PSD3: variants seen among roughly 807,000 people sequenced by gnomAD.
The protein encoded by PSD3 is PH and SEC7 domain-containing protein 3.
PSD3 carries 49 observed loss-of-function variants against 105.5 expected under a neutral mutation model. The ratio of observed to expected loss-of-function variants is 0.46; its 90% CI spans 0.37 to 0.59. PSD3 has a LOEUF of 0.59. PSD3 is among the 20% of genes least tolerant of loss of function. PSD3 has a pLI of 0.00. For synonymous variants in PSD3, 557 were observed against 457.8 expected (o/e 1.22, Z -2.77); for missense variants, 1,561 against 1,263.8 (o/e 1.24, Z -3.57).
intron 1 of PSD3, among the ~76,000 whole-genome samples, chr8:18,949,219 C>G (rs1251929705): frequency 2.8e-4 from 2 of 7,182 alleles, no homozygotes; most frequent in Non-Finnish European, 5.0e-4. Flanking sequence ...GAGACTCTGT[C>G]TCAAAAAAAA....
intron 9 of PSD3, among the ~76,000 whole-genome samples, chr8:18,727,326 CTG>C (rs1438265107): frequency 2.7e-5 from 3 of 109,576 alleles, no homozygotes; most frequent in South Asian, 3.3e-4. Context: ...AACCGCAAGA[CTG>C]TGTCTCAAAA....
chr8:18,857,258 C>T (rs562536964), intron 4 of PSD3, among the ~76,000 whole-genome samples: 1 of 152,324 alleles, frequency 6.6e-6, no homozygotes, highest in Admixed American at 6.5e-5. Flanking sequence ...CAGTAAACGC[C>T]TCTCAAAAGC....
At position 18,575,941 on chromosome 8, in the gene PSD3, A is replaced by G. The variant is rs537847212; in HGVS notation, c.2482-656T>C. On this transcript the variant is annotated intron_variant, in intron 12 of 15. Transcript: ENST00000327040. ...CTACCAACTGTTAGATATTTTCTAG[A>G]GTTTAAGGCCTCCCTTCCTCCTTCC... Among the ~76,000 whole-genome samples the G allele has an allele frequency of 5.3e-5, 8 of 152,302 alleles. No homozygotes were observed. In the South Asian group the frequency reaches 1.7e-3, roughly 32 times the overall value.
At chr8:18,873,221 A>C (rs1034871821) in intron 2 of PSD3, among the ~76,000 whole-genome samples, 6 of 152,126 alleles carry the variant, frequency 3.9e-5, no homozygotes, top group Non-Finnish European at 8.8e-5. Context: ...AAACTCAGTC[A>C]ATATGTTTTT....
chr8:18,825,198 G>A (rs541275788), intron 4 of PSD3, among the ~76,000 whole-genome samples: 4 of 152,136 alleles, frequency 2.6e-5, no homozygotes, highest in African/African-American at 9.7e-5. Context: ...CCTAAAGTTT[G>A]AGAACCCAAA....
intron 1 of PSD3, among the ~76,000 whole-genome samples, chr8:19,059,267 A>C (rs1410166235): frequency 6.6e-6 from 1 of 152,214 alleles, no homozygotes; most frequent in East Asian, 1.9e-4. Flanking sequence ...CCAGCAGAGG[A>C]GGGACCACAC....
Position 18,738,987 on chromosome 8 carries a change from T to A in PSD3, c.2172+26462A>T, listed in dbSNP as rs117527170. Among the ~76,000 whole-genome samples, 87 of 152,276 alleles carry A rather than the reference T, an allele frequency of 5.7e-4. No individual in the cohort carries two copies. The East Asian group carries it at 0.016, about 28-fold the overall frequency. ...ATTTCTTTTCCTTTTAAGAAGAACC[T>A]TCGGCTCTTAGGTATCACAGATTGT... On this transcript the variant is annotated intron_variant, in intron 9 of 15. Transcript: ENST00000327040.
At chr8:18,821,419 G>T (rs1812690411) in intron 4 of PSD3, among the ~76,000 whole-genome samples, 2 of 151,782 alleles carry the variant, frequency 1.3e-5, no homozygotes, top group African/African-American at 4.8e-5. Context: ...CCAAAAAGCT[G>T]CACCTTGAGA....
chr8:18,737,308 T>C (rs1478234102), intron 9 of PSD3, among the ~76,000 whole-genome samples: 1 of 152,142 alleles, frequency 6.6e-6, no homozygotes, highest in African/African-American at 2.4e-5. Flanking sequence ...CCAGGTACTA[T>C]GCTGTGCTAT....
chr8:18,669,662 T>C (rs764443748), intron 9 of PSD3, among the ~76,000 whole-genome samples: 1 of 152,236 alleles, frequency 6.6e-6, no homozygotes, highest in Non-Finnish European at 1.5e-5. Flanking sequence ...CCGGATGGCA[T>C]GAGATTTAAA....
At chr8:18,958,424 T>C (rs1823712699) in intron 1 of PSD3, among the ~76,000 whole-genome samples, 1 of 152,234 alleles carries the variant, frequency 6.6e-6, no homozygotes. Flanking sequence ...TTGTTTACTT[T>C]CTTTTGGGGG....
At chr8:18,839,605 C>A (rs753379956) in intron 4 of PSD3, among the ~76,000 whole-genome samples, 34 of 152,132 alleles carry the variant, frequency 2.2e-4, no homozygotes, top group Non-Finnish European at 4.3e-4. Flanking sequence ...TAAGCAGGAA[C>A]CAGGTTTACT....
chr8:19,060,128 T>G (rs1013019872), intron 1 of PSD3, among the ~76,000 whole-genome samples: 1 of 152,182 alleles, frequency 6.6e-6, no homozygotes, highest in Non-Finnish European at 1.5e-5. Context: ...ATGCAGTTTC[T>G]CTTCTTCCTC....
intron 1 of PSD3, among the ~76,000 whole-genome samples, chr8:19,063,015 T>A (rs1046239713): frequency 6.6e-6 from 1 of 152,224 alleles, no homozygotes; most frequent in Non-Finnish European, 1.5e-5. Flanking sequence ...TTAGAAGTCA[T>A]GTGTGAGACA....
At chr8:18,743,520 A>C (rs555585593) in intron 9 of PSD3, among the ~76,000 whole-genome samples, 1 of 152,252 alleles carries the variant, frequency 6.6e-6, no homozygotes, top group South Asian at 2.1e-4. Flanking sequence ...TCCAGTCTTT[A>C]CTTGGATGGG....
chr8:18,678,277 T>TA (rs905595333), intron 9 of PSD3, among the ~76,000 whole-genome samples: 1 of 152,042 alleles, frequency 6.6e-6, no homozygotes, highest in Non-Finnish European at 1.5e-5. Context: ...TTAAGTTGTT[T>TA]AAAAAAAATT....
intron 11 of PSD3, among the ~76,000 whole-genome samples, chr8:18,617,424 G>T (rs979959733): frequency 6.6e-6 from 1 of 152,002 alleles, no homozygotes; most frequent in African/African-American, 2.4e-5. Context: ...CCAGCTACTC[G>T]GGAGGCTGAG....
intron 11 of PSD3, among the ~76,000 whole-genome samples, chr8:18,613,571 A>T (rs1297871006): frequency 1.3e-5 from 2 of 152,106 alleles, no homozygotes; most frequent in Non-Finnish European, 2.9e-5. Context: ...AGAGTCACAG[A>T]ATTATTTTTT....
chr8:18,564,223 A>G (rs1801587177), intron 14 of PSD3, among the ~76,000 whole-genome samples: 1 of 152,182 alleles, frequency 6.6e-6, no homozygotes, highest in East Asian at 1.9e-4. Context: ...TCATATATTA[A>G]AAGATATCTG....
Sources: gnomAD v4.1 joint callset for allele counts (sites outside exome capture counted in the v4.1 genomes callset) on GRCh38, gnomAD v4.1.1 for gene constraint, MANE v1.5 for transcripts, NCBI Gene and HGNC (gene_info 2026-07-23, HGNC 2026-07-21) for gene names.